The following AMMECR1L variants were observed in gnomAD, a reference collection of about 807,000 sequenced individuals.
AMMECR1L encodes AMMECR1-like protein.
A neutral mutation model predicts 36.8 loss-of-function variants in AMMECR1L; 4 were observed. That is an observed-to-expected ratio of 0.11 (90% confidence interval 0.05 to 0.25). The LOEUF (loss-of-function observed/expected upper bound fraction) is 0.25, where lower values mean the gene tolerates loss of function less well. AMMECR1L is among the 10% of genes least tolerant of loss of function. The pLI is 1.00. For missense variants in AMMECR1L, 232 were observed against 392.1 expected, an observed-to-expected ratio of 0.59 and a Z score of 3.45; for synonymous variants, 147 against 148.0, an observed-to-expected ratio of 0.99 and a Z score of 0.05.
intron 1 of AMMECR1L, 147 bp downstream of exon 1, chr2:127,885,663 G>A (rs1691745581): frequency 4.1e-6 from 4 of 983,614 alleles, no homozygotes; most frequent in East Asian, 2.3e-4. Flanking sequence ...CGCTGCCCCC[G>A]GACCCTCGCC....
intron 2 of AMMECR1L, among the ~76,000 whole-genome samples, chr2:127,882,157 G>A (rs866556214): frequency 6.6e-6 from 1 of 152,168 alleles, no homozygotes; most frequent in Non-Finnish European, 1.5e-5. Context: ...CCTAAAGGTG[G>A]GGGGAAAAAT....
At position 127,865,491 on chromosome 2, in the gene AMMECR1L, C is replaced by T. The variant is rs923683967; in HGVS notation, c.822-286G>A. On this transcript the variant is annotated intron_variant, in intron 7 of 7. Coordinates refer to ENST00000272647, the MANE Select transcript of AMMECR1L (RefSeq NM_001199140.2). This position sits in a 1 kb window ranked among gnomAD's most constrained non-coding sequence, Gnocchi z 5.4. ...ATCATCAGGCTGCTCGTAAGCAATCCGCTACTGGGGTCTGGATGAAGAATT... is the reference window on the plus strand; with the variant it reads ...ATCATCAGGCTGCTCGTAAGCAATCTGCTACTGGGGTCTGGATGAAGAATT... Among the ~76,000 whole-genome samples, 3 of 151,952 alleles carry T rather than the reference C, an allele frequency of 2.0e-5. No individual in the cohort carries two copies. The highest frequency in any genetic ancestry group is 4.8e-5 in the African/African-American group (2 of 41,346).
rs1690847621 is a variant in AMMECR1L at position 127,869,242 on chromosome 2, G to C, written c.724+212C>G. ...AGTGTTTGAAATATCAGGCGAGTAA[G>C]TGAACGATTTACCCTTTTGCTTTTC... On this transcript the variant is annotated intron_variant, in intron 6 of 7. Coordinates refer to ENST00000272647, the MANE Select transcript of AMMECR1L (RefSeq NM_001199140.2). The surrounding 1 kb of genome is among the most constrained non-coding windows in gnomAD (Gnocchi z 4.7). Among the ~76,000 whole-genome samples, 1 of 152,170 alleles carries C rather than the reference G, an allele frequency of 6.6e-6. No individual in the cohort carries two copies. Among genetic ancestry groups the C allele is most frequent in the African/African-American group, 2.4e-5 (1 of 41,432 alleles).
chr2:127,861,906 G>A lies in AMMECR1L; in HGVS notation c.*3188C>T, dbSNP rs1449813912. 6.6e-6 allele frequency: 1 copy of A among 152,556 alleles called. No homozygotes were observed. Among genetic ancestry groups the A allele is most frequent in the Non-Finnish European group, 1.5e-5 (1 of 68,022 alleles). The allele number at this position is 152,556 out of a possible 1,614,324, so 9.5% of individuals were successfully genotyped here. Reference sequence around the variant, plus strand: ...ACACATCATGGAAAACAGATCTTGTGCAAAATATTAACACCCAGGACTTCT... The same window carrying A: ...ACACATCATGGAAAACAGATCTTGTACAAAATATTAACACCCAGGACTTCT... On this transcript the variant is annotated 3_prime_UTR_variant, in exon 8 of 8. Transcript: ENST00000272647.
Position 127,873,748 on chromosome 2 carries a change from T to G in AMMECR1L, c.407+80A>C. The stretch of plus-strand genomic sequence containing the variant: ...TCAAATGATAATAAAGACTTCCAAG[T>G]AGCAGACCCTCTCAAGAGAATCACC... On this transcript the variant is annotated intron_variant, in intron 3 of 7. Coordinates refer to ENST00000272647, the MANE Select transcript of AMMECR1L (RefSeq NM_001199140.2). The surrounding 1 kb of genome is among the most constrained non-coding windows in gnomAD (Gnocchi z 5.2). 1 of 1,603,002 alleles carries G rather than the reference T, an allele frequency of 6.2e-7. No individual in the cohort carries two copies. The highest frequency in any genetic ancestry group is 8.5e-7 in the Non-Finnish European group (1 of 1,177,922).
Position 127,873,071 on chromosome 2 carries a change from T to A in AMMECR1L, c.407+757A>T. The A allele has an allele frequency of 4.1e-6, 4 of 985,248 alleles. No homozygotes were observed. The highest frequency in any genetic ancestry group is 4.8e-6 in the Non-Finnish European group (4 of 829,912). The allele number at this position is 985,248 out of a possible 1,614,324, so 61.0% of individuals were successfully genotyped here. ...AGGTTTTGTAGTCTCCGTATGGCAA[T>A]CAACAACTGAGGAATGAATAATCTC... On this transcript the variant is annotated intron_variant, in intron 3 of 7. Coordinates refer to ENST00000272647, the MANE Select transcript of AMMECR1L (RefSeq NM_001199140.2). The surrounding 1 kb of genome is among the most constrained non-coding windows in gnomAD (Gnocchi z 5.2).
chr2:127,870,780 A>C, intron 5 of AMMECR1L, 34 bp downstream of exon 5: 2 of 1,539,656 alleles, frequency 1.3e-6, no homozygotes, highest in Non-Finnish European at 1.8e-6. Context: ...AAATGCAACG[A>C]GAGATGCAGA....
rs544424708 is a variant in AMMECR1L, at chr2:127,862,968, G to A, written c.*2126C>T. The A allele has an allele frequency of 6.5e-6, 1 of 152,724 alleles. No homozygotes were observed. Among genetic ancestry groups the A allele is most frequent in the African/African-American group, 2.4e-5 (1 of 41,552 alleles). The allele number at this position is 152,724 out of a possible 1,614,324, so 9.5% of individuals were successfully genotyped here. On this transcript the variant is annotated 3_prime_UTR_variant, in exon 8 of 8. Transcript: ENST00000272647. ...TTTCTACAAGAAAAAATCGGCTTGA[G>A]GAGCATGGCACTGTAAATGCTTGCA... is the stretch of plus-strand genomic sequence containing the variant.
rs1690645612 is a variant in AMMECR1L, at chr2:127,865,506, G to C, written c.822-301C>G. 6.6e-6 allele frequency among the ~76,000 whole-genome samples: 1 copy of C among 152,124 alleles called. No homozygotes were observed. Among genetic ancestry groups the C allele is most frequent in the Admixed American group, 6.5e-5 (1 of 15,268 alleles). ...GTAAGCAATCCGCTACTGGGGTCTG[G>C]ATGAAGAATTTCAAGGTCAAATTAC... On this transcript the variant is annotated intron_variant, in intron 7 of 7. Transcript: ENST00000272647. The surrounding 1 kb of genome is among the most constrained non-coding windows in gnomAD (Gnocchi z 5.4).
intron 1 of AMMECR1L, chr2:127,885,154 T>C: frequency 2.0e-6 from 2 of 983,332 alleles, no homozygotes; most frequent in Non-Finnish European, 2.4e-6. Context: ...CCAGCGGAGG[T>C]TAAGGAAGGA....
rs755925313 is a variant in AMMECR1L at position 127,865,135 on chromosome 2, C to A, written c.892G>T (p.Gly298Cys). 1.2e-6 allele frequency: 2 copies of A among 1,613,866 alleles called. No homozygotes were observed. The highest frequency in any genetic ancestry group is 4.5e-5 in the East Asian group (2 of 44,864). Residue 298 changes from glycine to cysteine, a missense_variant, in exon 8 of 8, where the codon GGC becomes TGC. Gly to Cys is a radical substitution (Grantham distance 159, BLOSUM62 -3). This residue lies in a region of AMMECR1L where 40 missense variants were observed against 34.5 expected (regional missense o/e 1.16). Transcript: ENST00000272647. This position sits in a 1 kb window ranked among gnomAD's most constrained non-coding sequence, Gnocchi z 5.4. ...TAGAGGGGCGGGGCATGAAGAGTGC[C>A]GTTCTGGAAACAGTGCTGTCGGGAA... Reference protein sequence around the residue: ...IASRQHCFQNGTLHAPPLYNH... With the variant: ...IASRQHCFQNCTLHAPPLYNH...
At chr2:127,883,199 C>T (rs1454121264) in intron 2 of AMMECR1L, among the ~76,000 whole-genome samples, 6 of 151,222 alleles carry the variant, frequency 4.0e-5, no homozygotes, top group Admixed American at 2.6e-4. Flanking sequence ...CGGGTTCAAG[C>T]GATTCTCCTG....
Position 127,876,387 on chromosome 2 carries a change from C to T in AMMECR1L, c.-38-2115G>A, listed in dbSNP as rs548828775. Among the ~76,000 whole-genome samples the T allele has an allele frequency of 7.4e-3, 1,101 of 149,500 alleles. 10 individuals are homozygous for T. The highest frequency in any genetic ancestry group is 0.026 in the South Asian group (125 of 4,720). ...AAAAAAAGGTGGTAGGGGGGCGGTG[C>T]GGTGTGCGGTGGGGATCCTCTCACT... On this transcript the variant is annotated intron_variant, in intron 2 of 7. Transcript: ENST00000272647.
chr2:127,864,745 G>A lies in AMMECR1L; in HGVS notation c.*349C>T, dbSNP rs1690609964. 1 of 171,226 alleles carries A rather than the reference G, an allele frequency of 5.8e-6. No homozygotes were observed. The highest frequency in any genetic ancestry group is 1.2e-5 in the Non-Finnish European group (1 of 80,568). The allele number at this position is 171,226 out of a possible 1,614,324, so 10.6% of individuals were successfully genotyped here. A position where few individuals can be genotyped will look rare whatever the true frequency, so the allele number is the denominator to read the frequency against. On this transcript the variant is annotated 3_prime_UTR_variant, in exon 8 of 8. Transcript: ENST00000272647. ...GGGTGTGTGTGGGTTCAACCTTCAG[G>A]GATCATCAATTTCAGCTTCCAGCGT...
chr2:127,875,628 T>C (rs1391433403), intron 2 of AMMECR1L, among the ~76,000 whole-genome samples: 1 of 152,216 alleles, frequency 6.6e-6, no homozygotes, highest in African/African-American at 2.4e-5. Flanking sequence ...CAAGGATTAT[T>C]TATGTTCTTC....
chr2:127,865,534 G>C lies in AMMECR1L; in HGVS notation c.822-329C>G, dbSNP rs182823244. The stretch of plus-strand genomic sequence containing the variant: ...GAAGAATTTCAAGGTCAAATTACTC[G>C]GGTGGCAGATTGGAAGATGGCTGCA... On this transcript the variant is annotated intron_variant, in intron 7 of 7. Transcript: ENST00000272647. The surrounding 1 kb of genome is among the most constrained non-coding windows in gnomAD (Gnocchi z 5.4). Among the ~76,000 whole-genome samples the C allele has an allele frequency of 3.3e-5, 5 of 152,294 alleles. No individual in the cohort carries two copies. Among genetic ancestry groups the C allele is most frequent in the Admixed American group, 3.3e-4 (5 of 15,302 alleles).
chr2:127,873,187 CTGAGGA>C lies in AMMECR1L; in HGVS notation c.407+635_407+640del. On this transcript the variant is annotated intron_variant, in intron 3 of 7. Transcript: ENST00000272647. The surrounding 1 kb of genome is among the most constrained non-coding windows in gnomAD (Gnocchi z 5.2). ...AGCCAGCTCAGAGCGGCTTCCAATTCTGAGGAAGAAGAAAATGCTAGCATGGAATTC... is the reference window on the plus strand; with the variant it reads ...AGCCAGCTCAGAGCGGCTTCCAATTCAGAAGAAAATGCTAGCATGGAATTC... The C allele has an allele frequency of 1.0e-6, 1 of 985,466 alleles. No individual in the cohort carries two copies. Among genetic ancestry groups the C allele is most frequent in the Non-Finnish European group, 1.2e-6 (1 of 829,942 alleles). 61.0% of individuals were successfully genotyped at this position (985,466 alleles called of 1,614,324 possible).
At position 127,871,238 on chromosome 2, in the gene AMMECR1L, G is replaced by A. The variant is rs750773563; in HGVS notation, c.518+11C>T. 6.2e-7 allele frequency: 1 copy of A among 1,609,360 alleles called. No individual in the cohort carries two copies. The highest frequency in any genetic ancestry group is 8.5e-7 in the Non-Finnish European group (1 of 1,175,862). On this transcript the variant is annotated intron_variant, in intron 4 of 7. Coordinates refer to ENST00000272647, the MANE Select transcript of AMMECR1L (RefSeq NM_001199140.2). The surrounding 1 kb of genome is among the most constrained non-coding windows in gnomAD (Gnocchi z 4.3). ...AATTTATCTACAGTTCTTAATGTCT[G>A]GTGTCATTACCTGGTTAACGTGTAT...
chr2:127,880,760 C>T (rs940736588), intron 2 of AMMECR1L, among the ~76,000 whole-genome samples: 1 of 141,416 alleles, frequency 7.1e-6, no homozygotes, highest in Non-Finnish European at 1.6e-5. Flanking sequence ...AACATGGTGC[C>T]CTACATACAG....
Sources: allele counts gnomAD v4.1 joint callset (sites outside exome capture counted in the v4.1 genomes callset), GRCh38; gene constraint gnomAD v4.1.1; regional missense constraint gnomAD v4.1.1; non-coding constraint Gnocchi (gnomAD v3.1); transcripts MANE v1.5; gene names NCBI Gene and HGNC (gene_info 2026-07-23, HGNC 2026-07-21).